Variants in MAP3K20 observed in about 807,000 individuals in gnomAD.
The protein encoded by MAP3K20 is mitogen-activated protein kinase kinase kinase 20.
A neutral mutation model predicts 85.7 loss-of-function variants in MAP3K20; 40 were observed. That is an observed-to-expected ratio of 0.47 (90% CI 0.36 to 0.61). MAP3K20 has a LOEUF of 0.61. Ranked by LOEUF, MAP3K20 falls within the 20% of genes least tolerant of loss-of-function variation. The pLI is 0.00. For missense variants in MAP3K20, 817 were observed against 961.7 expected (o/e 0.85, Z 1.99); for synonymous variants, 325 against 327.7 (o/e 0.99, Z 0.09).
Position 173,187,622 on chromosome 2 carries a change from C to T in MAP3K20, c.414C>T (p.Asn138=), listed in dbSNP as rs202049682. The stretch of plus-strand genomic sequence containing the variant: ...TTCACAGAGACCTCAAGTCAAGAAA[C>T]GGTAATGTAGTTATGTTTTTATTTT... ...KVIHRDLKSR[N]VVIAADGVLK... is the part of the protein sequence containing the mutation. Residue 138 remains asparagine, a splice_region_variant and synonymous_variant, in exon 5 of 20, where the codon AAC becomes AAT. Transcript: ENST00000375213. The T allele has an allele frequency of 7.1e-5, 114 of 1,606,808 alleles. No individual in the cohort carries two copies. In the Middle Eastern group the frequency reaches 1.8e-3, roughly 26 times the overall value.
chr2:173,197,681 C>T (rs948970563), intron 7 of MAP3K20: 11 of 153,792 alleles, frequency 7.2e-5, no homozygotes, highest in Non-Finnish European at 1.4e-4. Flanking sequence ...GAAGGTAGAA[C>T]GAGTTTTAAC....
intron 2 of MAP3K20, among the ~76,000 whole-genome samples, chr2:173,114,595 C>T (rs533753483): frequency 2.1e-4 from 32 of 152,184 alleles, no homozygotes; most frequent in African/African-American, 7.5e-4. Context: ...GTAGTGGTGG[C>T]TTGGTAATGG....
At chr2:173,138,221 G>A (rs961049750) in intron 2 of MAP3K20, among the ~76,000 whole-genome samples, 1 of 152,024 alleles carries the variant, frequency 6.6e-6, no homozygotes, top group Non-Finnish European at 1.5e-5. Flanking sequence ...CGCCCGCCTC[G>A]GCCTCCCAAA....
At chr2:173,248,894 T>C (rs1684982880) in intron 16 of MAP3K20, among the ~76,000 whole-genome samples, 1 of 152,084 alleles carries the variant, frequency 6.6e-6, no homozygotes, top group Non-Finnish European at 1.5e-5. Flanking sequence ...AAACATAGGC[T>C]CAAATAAATT....
chr2:173,226,714 T>C, intron 11 of MAP3K20: 2 of 985,850 alleles, frequency 2.0e-6, no homozygotes, highest in Non-Finnish European at 2.4e-6. Flanking sequence ...TATTTTATAT[T>C]GTGTGCAGAA....
chr2:173,191,991 T>A (rs1690665748), intron 7 of MAP3K20, among the ~76,000 whole-genome samples: 1 of 152,244 alleles, frequency 6.6e-6, no homozygotes, highest in East Asian at 1.9e-4. Context: ...TTGTTGAGGA[T>A]AAACTTTTCC....
intron 12 of MAP3K20, among the ~76,000 whole-genome samples, chr2:173,230,095 G>A (rs762038560): frequency 2.0e-5 from 3 of 152,172 alleles, no homozygotes; most frequent in African/African-American, 7.2e-5. Flanking sequence ...GCCTCCCAAA[G>A]TGCTGGGATT....
intron 1 of MAP3K20, among the ~76,000 whole-genome samples, chr2:173,081,164 C>T (rs78154432): frequency 0.015 from 2,325 of 151,488 alleles, 59 homozygotes; most frequent in African/African-American, 0.053. Flanking sequence ...CAAATCGATA[C>T]AGACACATAT....
chr2:173,251,326 A>G (rs1013923558), intron 16 of MAP3K20, among the ~76,000 whole-genome samples: 5 of 151,838 alleles, frequency 3.3e-5, no homozygotes, highest in Non-Finnish European at 7.4e-5. Context: ...TTCTCCATTC[A>G]TGGTTTTGGG....
chr2:173,128,438 T>C (rs1033800789), intron 2 of MAP3K20, among the ~76,000 whole-genome samples: 4 of 152,050 alleles, frequency 2.6e-5, no homozygotes, highest in African/African-American at 9.7e-5. Context: ...TTTCAAGTGA[T>C]TCTCGTGCCT....
At chr2:173,228,967 A>G (rs1303252637) in intron 11 of MAP3K20, among the ~76,000 whole-genome samples, 1 of 152,230 alleles carries the variant, frequency 6.6e-6, no homozygotes, top group Non-Finnish European at 1.5e-5. Flanking sequence ...CTTATAGGAC[A>G]CACAGACTTC....
intron 3 of MAP3K20, among the ~76,000 whole-genome samples, chr2:173,173,190 GTGTGTGTC>G (rs747924444): frequency 0.069 from 9,216 of 134,496 alleles, 407 homozygotes; most frequent in Non-Finnish European, 0.092. Context: ...GTGTGTGTGT[GTGTGTGTC>G]TGTGTAAAAC....
intron 2 of MAP3K20, among the ~76,000 whole-genome samples, chr2:173,133,990 C>A (rs1005285181): frequency 9.3e-4 from 118 of 126,918 alleles, no homozygotes; most frequent in South Asian, 1.3e-3. Flanking sequence ...TATTCCATCT[C>A]AAAAAACAAA....
intron 11 of MAP3K20, chr2:173,221,446 C>T (rs757649082): frequency 6.2e-6 from 10 of 1,613,308 alleles, no homozygotes; most frequent in Middle Eastern, 1.6e-4. Flanking sequence ...CTCTGGGGTT[C>T]AGTGATTTTG....
At chr2:173,210,047 T>G (rs1336363322) in intron 10 of MAP3K20, 4 of 556,796 alleles carry the variant, frequency 7.2e-6, no homozygotes, top group East Asian at 3.2e-5. Flanking sequence ...TTGCCTTGTG[T>G]AAGTATTTGA....
At chr2:173,152,469 T>G (rs1453458284) in intron 2 of MAP3K20, among the ~76,000 whole-genome samples, 1 of 152,190 alleles carries the variant, frequency 6.6e-6, no homozygotes, top group African/African-American at 2.4e-5. Context: ...GCATGAAATG[T>G]ATTTGTTACA....
intron 19 of MAP3K20, among the ~76,000 whole-genome samples, chr2:173,264,416 T>C (rs1355205990): frequency 1.3e-5 from 2 of 152,148 alleles, no homozygotes; most frequent in African/African-American, 4.8e-5. Flanking sequence ...CTCTCCTGTT[T>C]ACAGTCATCA....
At chr2:173,169,752 G>C in intron 2 of MAP3K20, 53 bp from the exon 3 acceptor site, 1 of 1,541,504 alleles carries the variant, frequency 6.5e-7, no homozygotes, top group South Asian at 1.2e-5. Flanking sequence ...TGTTTTATTT[G>C]ACTATTATAA....
At position 173,217,240 on chromosome 2, in the gene MAP3K20, C is replaced by A; in HGVS notation, c.977C>A (p.Ser326Tyr). 1 of 1,583,534 alleles carries A rather than the reference C, an allele frequency of 6.3e-7. No individual in the cohort carries two copies. Among genetic ancestry groups the A allele is most frequent in the Non-Finnish European group, 8.6e-7 (1 of 1,164,474 alleles). The change falls in exon 11 of 20, where the codon TCC becomes TAC. Residue 326 changes from serine to tyrosine, a missense_variant. By Grantham distance (144) the Ser-to-Tyr change is moderately radical (BLOSUM62 -2). This residue lies in a region of MAP3K20 where 158 missense variants were observed against 162.0 expected (regional missense o/e 0.98). Transcript: ENST00000375213. Reference sequence around the variant, plus strand: ...TGGGAGCAAAAGCTGACAGAGCAGTCCAACACCCCGGTGAGTACCCTCCCC... The same window carrying A: ...TGGGAGCAAAAGCTGACAGAGCAGTACAACACCCCGGTGAGTACCCTCCCC... Reference protein sequence around the residue: ...KMWEQKLTEQSNTPLLPSFEI... With the variant: ...KMWEQKLTEQYNTPLLPSFEI...
Sources: gnomAD v4.1 joint callset for allele counts (sites outside exome capture counted in the v4.1 genomes callset) on GRCh38, gnomAD v4.1.1 for gene constraint, gnomAD v4.1.1 regional missense constraint, MANE v1.5 for transcripts, NCBI Gene and HGNC (gene_info 2026-07-23, HGNC 2026-07-21) for gene names.